NCKAP5: variants seen among roughly 807,000 people sequenced by gnomAD.
The protein encoded by NCKAP5 is nck-associated protein 5.
NCKAP5 carries 92 observed loss-of-function variants against 167.0 expected under a neutral mutation model. The ratio of observed to expected loss-of-function variants is 0.55; its 90% CI spans 0.47 to 0.66. NCKAP5 has a LOEUF of 0.66. NCKAP5 is among the 30% of genes least tolerant of loss of function. The pLI, the probability that NCKAP5 is intolerant of heterozygous loss-of-function variation, is 0.00. For missense variants in NCKAP5, 2,378 were observed against 2,315.0 expected, an observed-to-expected ratio of 1.03 and a Z score of -0.56; for synonymous variants, 891 against 877.4, an observed-to-expected ratio of 1.02 and a Z score of -0.27.
chr2:133,474,430 C>T (rs1387009412), intron 3 of NCKAP5, among the ~76,000 whole-genome samples: 1 of 151,948 alleles, frequency 6.6e-6, no homozygotes, highest in African/African-American at 2.4e-5. Flanking sequence ...AGATATTAGT[C>T]GAAGGACATA....
chr2:132,778,761 T>G (rs1024455616), intron 15 of NCKAP5, among the ~76,000 whole-genome samples: 9 of 152,330 alleles, frequency 5.9e-5, no homozygotes, highest in Middle Eastern at 3.4e-3. Flanking sequence ...TTCATGGGTA[T>G]TCACATCAAT....
At chr2:132,934,538 C>G (rs1481188811) in intron 8 of NCKAP5, among the ~76,000 whole-genome samples, 1 of 152,034 alleles carries the variant, frequency 6.6e-6, no homozygotes, top group Non-Finnish European at 1.5e-5. Context: ...CGTCATTGCA[C>G]TCCAGCTTGG....
chr2:132,962,022 G>A (rs1456604114), intron 8 of NCKAP5, among the ~76,000 whole-genome samples: 1 of 152,120 alleles, frequency 6.6e-6, no homozygotes, highest in Non-Finnish European at 1.5e-5. Flanking sequence ...GGGAGACAAG[G>A]GTGATTCCTA....
intron 3 of NCKAP5, among the ~76,000 whole-genome samples, chr2:133,361,889 T>G (rs1485306514): frequency 2.0e-5 from 3 of 152,228 alleles, no homozygotes; most frequent in Non-Finnish European, 4.4e-5. Flanking sequence ...ATTGGTTTTA[T>G]AGTTTTGAAT....
intron 6 of NCKAP5, among the ~76,000 whole-genome samples, chr2:132,998,780 C>T (rs562079940): frequency 1.3e-5 from 2 of 152,282 alleles, no homozygotes; most frequent in African/African-American, 4.8e-5. Flanking sequence ...GTTCCACCAT[C>T]TGTCTCCCCA....
intron 6 of NCKAP5, among the ~76,000 whole-genome samples, chr2:133,007,343 G>A (rs930828223): frequency 2.0e-5 from 3 of 152,210 alleles, no homozygotes; most frequent in African/African-American, 7.2e-5. Flanking sequence ...TTTTGGTGCT[G>A]ATGTGAGAAG....
chr2:133,338,511 T>C (rs1281674579), intron 3 of NCKAP5, among the ~76,000 whole-genome samples: 2 of 152,226 alleles, frequency 1.3e-5, no homozygotes, highest in Non-Finnish European at 1.5e-5. Flanking sequence ...ATTCTTCTCA[T>C]AGCATTCCAG....
At chr2:133,316,672 C>T (rs907990683) in intron 3 of NCKAP5, among the ~76,000 whole-genome samples, 3 of 152,160 alleles carry the variant, frequency 2.0e-5, no homozygotes, top group East Asian at 1.9e-4. Flanking sequence ...CCAAGAGGAG[C>T]GAACATTCCT....
chr2:133,256,981 G>A (rs886372103), intron 4 of NCKAP5, among the ~76,000 whole-genome samples: 3 of 152,042 alleles, frequency 2.0e-5, no homozygotes, highest in South Asian at 2.1e-4. Flanking sequence ...TAGGACCTAC[G>A]CGCGCACACA....
At chr2:133,433,542 A>C (rs532150693) in intron 3 of NCKAP5, 1 of 152,348 alleles carries the variant, frequency 6.6e-6, no homozygotes, top group South Asian at 2.1e-4. Flanking sequence ...GGGAAGAATT[A>C]GTGAGTTATT....
chr2:132,776,998 A>C (rs1303580228), intron 15 of NCKAP5, among the ~76,000 whole-genome samples: 2 of 152,222 alleles, frequency 1.3e-5, no homozygotes, highest in African/African-American at 4.8e-5. Flanking sequence ...GAAAAGATGT[A>C]GAAATGTAGA....
chr2:133,285,716 C>T (rs919367470), intron 4 of NCKAP5, among the ~76,000 whole-genome samples: 7 of 152,300 alleles, frequency 4.6e-5, no homozygotes, highest in South Asian at 4.1e-4. Context: ...TAAACACCTA[C>T]GGCACCCAAC....
the NCKAP5 span, among the ~76,000 whole-genome samples, chr2:133,594,251 CTGA>C: frequency 6.6e-6 from 1 of 152,208 alleles, no homozygotes; most frequent in Non-Finnish European, 1.5e-5. Flanking sequence ...CAGTGTGTGG[CTGA>C]CTCTCGACTT....
intron 5 of NCKAP5, among the ~76,000 whole-genome samples, chr2:133,205,544 T>TTTTATTTTATG: frequency 6.6e-6 from 1 of 152,176 alleles, no homozygotes; most frequent in South Asian, 2.1e-4. Context: ...AATCTTCAAG[T>TTTTATTTTATG]GTAGTGGGAC....
intron 4 of NCKAP5, among the ~76,000 whole-genome samples, chr2:133,249,996 G>GTTT (rs1559316296): frequency 3.7e-3 from 89 of 24,138 alleles, no homozygotes; most frequent in African/African-American, 0.012. Context: ...ACCACCAAGG[G>GTTT]TTTTATTATT....
In NCKAP5 at chr2:132,782,990, C is replaced by G. The variant is rs759705796; in HGVS notation, c.3821G>C (p.Arg1274Pro). The G allele has an allele frequency of 6.2e-7, 1 of 1,613,810 alleles. No individual in the cohort carries two copies. Among genetic ancestry groups the G allele is most frequent in the Non-Finnish European group, 8.5e-7 (1 of 1,179,824 alleles). Residue 1274 changes from arginine to proline, a missense_variant, in exon 14 of 20, where the codon CGC becomes CCC. Transcript: ENST00000409261. Reference protein sequence around the residue: ...PALGMNGAKARSHSFSTHSGD... With the variant: ...PALGMNGAKAPSHSFSTHSGD... ...TGAGTGTGTACTGAAGCTGTGGCTGCGGGCTTTGGCGCCATTCATACCCAG... is the reference window on the plus strand; with the variant it reads ...TGAGTGTGTACTGAAGCTGTGGCTGGGGGCTTTGGCGCCATTCATACCCAG...
chr2:133,519,085 A>T (rs978085338), intron 2 of NCKAP5, among the ~76,000 whole-genome samples: 3 of 152,208 alleles, frequency 2.0e-5, no homozygotes, highest in African/African-American at 7.2e-5. Flanking sequence ...CATGGCCCAC[A>T]GGATGTGGGC....
the NCKAP5 span, among the ~76,000 whole-genome samples, chr2:133,658,110 AC>A: frequency 6.2e-5 from 1 of 16,234 alleles, no homozygotes; most frequent in Admixed American, 7.8e-4. Context: ...AACGACCCCC[AC>A]CCCCTAGTTT....
intron 15 of NCKAP5, among the ~76,000 whole-genome samples, chr2:132,780,805 C>T (rs1001567528): frequency 1.1e-4 from 16 of 152,162 alleles, no homozygotes; most frequent in African/African-American, 3.9e-4. Context: ...TTATACTCAA[C>T]GTTCTGAAAA....
Sources: allele counts gnomAD v4.1 joint callset (sites outside exome capture counted in the v4.1 genomes callset), GRCh38; gene constraint gnomAD v4.1.1; transcripts MANE v1.5; gene names NCBI Gene and HGNC (gene_info 2026-07-23, HGNC 2026-07-21).